Variants in RANBP2 observed in about 807,000 individuals in gnomAD.
RANBP2 encodes RAN binding protein 2, also known as E3 SUMO-protein ligase RanBP2.
Under a neutral mutation model 303.6 loss-of-function variants are expected in RANBP2, and 57 were observed. The ratio of observed to expected loss-of-function variants is 0.19; its 90% CI spans 0.15 to 0.23. RANBP2 has a LOEUF of 0.23. Ranked by LOEUF, RANBP2 falls within the 10% of genes least tolerant of loss-of-function variation. RANBP2 has a pLI of 1.00. For missense variants in RANBP2, 3,138 were observed against 3,780.8 expected, an observed-to-expected ratio of 0.83 and a Z score of 4.46; for synonymous variants, 1,167 against 1,301.5, an observed-to-expected ratio of 0.90 and a Z score of 2.23.
chr2:108,863,436 ACAT>A, the RANBP2 span, among the ~76,000 whole-genome samples: 1 of 152,312 alleles, frequency 6.6e-6, no homozygotes. Flanking sequence ...TTTTCAAAAA[ACAT>A]CAGAGAAGCC....
At chr2:109,395,325 A>G in the RANBP2 span, among the ~76,000 whole-genome samples, 10 of 152,198 alleles carry the variant, frequency 6.6e-5, no homozygotes, top group African/African-American at 2.4e-4. Context: ...ACAGGGCAGG[A>G]GGAAAGGGGT....
chr2:108,724,471 C>T (rs559813693), intron 1 of RANBP2, among the ~76,000 whole-genome samples: 4 of 151,342 alleles, frequency 2.6e-5, no homozygotes, highest in South Asian at 2.1e-4. Context: ...ATTTTTTTTT[C>T]GCAATTTTGA....
chr2:109,547,369 G>GTTTTTTTTTTTTTTTTTTTT, the RANBP2 span, among the ~76,000 whole-genome samples: 3 of 117,874 alleles, frequency 2.5e-5, no homozygotes, highest in Non-Finnish European at 3.5e-5. Flanking sequence ...TAATAAACTT[G>GTTTTTTTTTTTTTTTTTTTT]TTTTTTTTTT....
At chr2:109,312,277 C>G in the RANBP2 span, among the ~76,000 whole-genome samples, 1 of 152,176 alleles carries the variant, frequency 6.6e-6, no homozygotes, top group South Asian at 2.1e-4. Flanking sequence ...GTCCTGCCCA[C>G]TTTTCTTGTG....
the RANBP2 span, among the ~76,000 whole-genome samples, chr2:109,027,211 CCAGCCTGGG>C: frequency 6.8e-6 from 1 of 147,288 alleles, no homozygotes; most frequent in Non-Finnish European, 1.5e-5. Flanking sequence ...CCACTGCACT[CCAGCCTGGG>C]CAACAGAGTG....
At chr2:109,592,395 G>A in the RANBP2 span, among the ~76,000 whole-genome samples, 8,218 of 152,066 alleles carry the variant, frequency 0.054, 682 homozygotes, top group East Asian at 0.24. Context: ...AACCCGGGAG[G>A]CAGAGGTTGC....
the RANBP2 span, chr2:108,839,077 T>C: frequency 3.4e-6 from 4 of 1,182,664 alleles, no homozygotes; most frequent in Non-Finnish European, 4.6e-6. Flanking sequence ...GGAGAACTCT[T>C]TTGTTTTGTT....
chr2:109,479,567 G>A, the RANBP2 span, among the ~76,000 whole-genome samples: 1 of 152,170 alleles, frequency 6.6e-6, no homozygotes, highest in Non-Finnish European at 1.5e-5. Flanking sequence ...ATGGGCAGAG[G>A]AAGCAGCAGC....
chr2:109,055,050 C>T, the RANBP2 span, among the ~76,000 whole-genome samples: 1 of 152,122 alleles, frequency 6.6e-6, no homozygotes, highest in South Asian at 2.1e-4. Flanking sequence ...TTTGCCCTTG[C>T]TATGAATAAA....
the RANBP2 span, chr2:108,929,442 C>T: frequency 3.2e-6 from 5 of 1,548,364 alleles, no homozygotes; most frequent in Non-Finnish European, 4.5e-6. Context: ...ACGGACTCGG[C>T]CCACAGTCCT....
the RANBP2 span, chr2:109,615,494 C>G: frequency 6.2e-7 from 1 of 1,613,576 alleles, no homozygotes; most frequent in Non-Finnish European, 8.5e-7. Context: ...TGAACATCGA[C>G]GCCAGGACGA....
chr2:108,942,881 T>A, the RANBP2 span, among the ~76,000 whole-genome samples: 2 of 152,198 alleles, frequency 1.3e-5, no homozygotes, highest in African/African-American at 4.8e-5. Context: ...GATTTTTGTT[T>A]GTTTGTTTGT....
chr2:109,220,861 A>G, the RANBP2 span, among the ~76,000 whole-genome samples: 1 of 152,246 alleles, frequency 6.6e-6, no homozygotes, highest in Admixed American at 6.5e-5. Flanking sequence ...TGAACATGCA[A>G]TTACTGTATA....
the RANBP2 span, among the ~76,000 whole-genome samples, chr2:109,374,625 A>ATGCTTGTC: frequency 6.6e-6 from 1 of 152,178 alleles, no homozygotes; most frequent in Non-Finnish European, 1.5e-5. Flanking sequence ...AGTCCCGGTG[A>ATGCTTGTC]TGCTTGTCCC....
the RANBP2 span, among the ~76,000 whole-genome samples, chr2:109,135,845 G>A: frequency 6.6e-6 from 1 of 152,140 alleles, no homozygotes. Context: ...CAGAGGCAGT[G>A]TTCATGATTC....
chr2:109,469,904 G>A, the RANBP2 span, among the ~76,000 whole-genome samples: 1 of 152,150 alleles, frequency 6.6e-6, no homozygotes, highest in African/African-American at 2.4e-5. Context: ...CTTCTGTGGG[G>A]GTCTGAGCCT....
chr2:109,173,602 T>C, the RANBP2 span, among the ~76,000 whole-genome samples: 6 of 152,040 alleles, frequency 3.9e-5, no homozygotes, highest in African/African-American at 9.7e-5. Context: ...CCCCGCAGCC[T>C]GCAGTGGTTA....
At chr2:109,142,048 G>GA in the RANBP2 span, among the ~76,000 whole-genome samples, 2 of 151,526 alleles carry the variant, frequency 1.3e-5, no homozygotes, top group African/African-American at 4.9e-5. Flanking sequence ...TCTCCTGGGG[G>GA]GGGGGTCTCA....
the RANBP2 span, among the ~76,000 whole-genome samples, chr2:109,261,265 CA>C: frequency 6.6e-6 from 1 of 152,166 alleles, no homozygotes; most frequent in Admixed American, 6.5e-5. Context: ...CAGAACAAAG[CA>C]ATGATGTGGA....
Sources: gnomAD v4.1 joint callset for allele counts (sites outside exome capture counted in the v4.1 genomes callset) on GRCh38, gnomAD v4.1.1 for gene constraint, MANE v1.5 for transcripts, NCBI Gene and HGNC (gene_info 2026-07-23, HGNC 2026-07-21) for gene names.